PBX1: variants seen among roughly 807,000 people sequenced by gnomAD.
PBX1 encodes the protein PBX homeobox 1.
Under a neutral mutation model 53.4 loss-of-function variants are expected in PBX1, and 6 were observed. The ratio of observed to expected loss-of-function variants is 0.11; its 90% confidence interval spans 0.06 to 0.22. The LOEUF (loss-of-function observed/expected upper bound fraction) is 0.22. Ranked by LOEUF, PBX1 falls within the 10% of genes least tolerant of loss-of-function variation. The pLI, the probability that PBX1 is intolerant of heterozygous loss-of-function variation, is 1.00. For synonymous variants in PBX1, 204 were observed against 212.3 expected (o/e 0.96, Z 0.34); for missense variants, 251 against 551.4 (o/e 0.46, Z 5.46).
chr1:164,719,782 A>G (rs997002600), intron 2 of PBX1, among the ~76,000 whole-genome samples: 1 of 152,268 alleles, frequency 6.6e-6, no homozygotes. Context: ...GTGTGTGTCT[A>G]AAGTGTGCGT....
chr1:164,607,280 A>C (rs1656621469), intron 2 of PBX1, among the ~76,000 whole-genome samples: 1 of 152,162 alleles, frequency 6.6e-6, no homozygotes, highest in Non-Finnish European at 1.5e-5. Context: ...GATTAGAAAA[A>C]AATGAGCTAG....
intron 2 of PBX1, among the ~76,000 whole-genome samples, chr1:164,621,146 G>T (rs1027092474): frequency 6.6e-6 from 1 of 152,074 alleles, no homozygotes; most frequent in Non-Finnish European, 1.5e-5. Context: ...GTGACACCAT[G>T]CCCAGCTAAT....
At chr1:164,819,866 A>G (rs1157670676) in intron 6 of PBX1, 2 of 481,544 alleles carry the variant, frequency 4.2e-6, no homozygotes, top group East Asian at 3.4e-5. Context: ...GCAGTAAGGT[A>G]TGGCTTCACA....
chr1:164,881,203 G>A (rs1465538659), intron 2 of PBX1, among the ~76,000 whole-genome samples: 1 of 152,090 alleles, frequency 6.6e-6, no homozygotes, highest in Non-Finnish European at 1.5e-5. Context: ...GCTCACCCTT[G>A]AGTGCTAAAA....
At chr1:164,682,530 T>A (rs1661841882) in intron 2 of PBX1, 1 of 152,162 alleles carries the variant, frequency 6.6e-6, no homozygotes, top group Admixed American at 6.5e-5. Context: ...TGATGTCTTT[T>A]AGTCATTTAA....
intron 2 of PBX1, among the ~76,000 whole-genome samples, chr1:164,638,393 G>C (rs1658915808): frequency 1.3e-5 from 2 of 152,248 alleles, no homozygotes; most frequent in African/African-American, 2.4e-5. Flanking sequence ...GCTGAGCAGG[G>C]ATTCTTACAT....
intron 2 of PBX1, among the ~76,000 whole-genome samples, chr1:164,790,809 A>G (rs1370813148): frequency 6.6e-6 from 1 of 152,168 alleles, no homozygotes; most frequent in African/African-American, 2.4e-5. Flanking sequence ...TTATGCTGGT[A>G]TTATATGTGA....
In PBX1 at chr1:164,603,929, ATTTTTTTTTTTT is replaced by A. The variant is rs71583414; in HGVS notation, c.265+40640_265+40651del. On this transcript the variant is annotated intron_variant, in intron 2 of 8. Transcript: ENST00000420696. The stretch of plus-strand genomic sequence containing the variant: ...GACACTCTGTACATTATGTCATTTC[ATTTTTTTTTTTT>A]TTTTTTTTTTTTTTTTTTTTTAGAG... 5.0e-3 allele frequency among the ~76,000 whole-genome samples: 380 copies of A among 75,758 alleles called. 1 individual carries two copies. The highest frequency in any genetic ancestry group is 0.017 in the African/African-American group (277 of 16,222). The allele number at this position is 75,758 out of a possible 152,430, so 49.7% of individuals were successfully genotyped here. A position where few individuals can be genotyped will look rare whatever the true frequency, so the allele number is the denominator to read the frequency against.
At chr1:164,653,321 C>T (rs778592362) in intron 2 of PBX1, among the ~76,000 whole-genome samples, 1 of 151,776 alleles carries the variant, frequency 6.6e-6, no homozygotes, top group Admixed American at 6.6e-5. Flanking sequence ...TGTGAATACA[C>T]CACAATTTTT....
At chr1:164,820,528 G>A (rs1670100493) in intron 7 of PBX1, among the ~76,000 whole-genome samples, 1 of 152,138 alleles carries the variant, frequency 6.6e-6, no homozygotes, top group Non-Finnish European at 1.5e-5. Flanking sequence ...TCAATTTCCA[G>A]GTCTCCCTCT....
chr1:164,701,427 C>A (rs1663113863), intron 2 of PBX1, among the ~76,000 whole-genome samples: 1 of 152,194 alleles, frequency 6.6e-6, no homozygotes, highest in African/African-American at 2.4e-5. Flanking sequence ...TGTTGTACTT[C>A]ATTAGCCAAG....
chr1:164,875,658 C>T (rs917614414), intron 2 of PBX1, among the ~76,000 whole-genome samples: 8 of 152,056 alleles, frequency 5.3e-5, no homozygotes, highest in Non-Finnish European at 1.0e-4. Context: ...CCTTGAGCCA[C>T]CGGCAGGCTC....
chr1:164,862,899 G>A (rs1417774634), intron 2 of PBX1, among the ~76,000 whole-genome samples: 1 of 152,180 alleles, frequency 6.6e-6, no homozygotes, highest in Non-Finnish European at 1.5e-5. Flanking sequence ...TGTAGTGGTG[G>A]TTGTTGATGC....
chr1:164,655,532 G>A (rs1660116452), intron 2 of PBX1, among the ~76,000 whole-genome samples: 1 of 152,162 alleles, frequency 6.6e-6, no homozygotes, highest in African/African-American at 2.4e-5. Context: ...TGGCTGTTGG[G>A]ACCACTCTTA....
chr1:164,658,736 A>G (rs1052813860), intron 2 of PBX1, among the ~76,000 whole-genome samples: 3 of 152,204 alleles, frequency 2.0e-5, no homozygotes, highest in African/African-American at 7.2e-5. Flanking sequence ...GGATTTTAAT[A>G]GTTACCTTAT....
chr1:164,746,023 G>A (rs1232149789), intron 2 of PBX1, among the ~76,000 whole-genome samples: 2 of 152,202 alleles, frequency 1.3e-5, no homozygotes, highest in Admixed American at 6.5e-5. Context: ...CACCTAGAGA[G>A]GCATACGATT....
In PBX1 at chr1:164,653,693, C is replaced by T. The variant is rs140859263; in HGVS notation, c.265+90382C>T. On this transcript the variant is annotated intron_variant, in intron 2 of 8. Transcript: ENST00000420696. ...ACTAAGGCAGGAGCATCGCTTGAAC[C>T]GGGGAAGCGGAGGTTGCGGTGAGCC... is the stretch of plus-strand genomic sequence containing the variant. Among the ~76,000 whole-genome samples, 916 of 152,234 alleles carry T rather than the reference C, an allele frequency of 6.0e-3. 7 individuals are homozygous for T. The highest frequency in any genetic ancestry group is 0.021 in the African/African-American group (869 of 41,536).
At chr1:164,671,595 T>C (rs1661114139) in intron 2 of PBX1, among the ~76,000 whole-genome samples, 1 of 152,152 alleles carries the variant, frequency 6.6e-6, no homozygotes, top group Non-Finnish European at 1.5e-5. Flanking sequence ...TCCATCAGTA[T>C]GATTTCTGAA....
intron 2 of PBX1, among the ~76,000 whole-genome samples, chr1:164,615,689 T>C (rs957216366): frequency 6.6e-6 from 1 of 152,180 alleles, no homozygotes; most frequent in African/African-American, 2.4e-5. Flanking sequence ...CAGACTGACT[T>C]TTGTGTGGTT....
Sources: allele counts gnomAD v4.1 joint callset (sites outside exome capture counted in the v4.1 genomes callset), GRCh38; gene constraint gnomAD v4.1.1; transcripts MANE v1.5; gene names NCBI Gene and HGNC (gene_info 2026-07-23, HGNC 2026-07-21).